Variants in COL25A1 observed in about 807,000 individuals in gnomAD.
COL25A1 encodes the protein collagen type XXV alpha 1 chain.
A neutral mutation model predicts 128.4 loss-of-function variants in COL25A1; 103 were observed. That is an observed-to-expected ratio of 0.80 (90% CI 0.68 to 0.94). The LOEUF (loss-of-function observed/expected upper bound fraction) is 0.94. Among genes scored for constraint, COL25A1 ranks in the 40% least tolerant of loss-of-function variants. The pLI, the probability that COL25A1 is intolerant of heterozygous loss-of-function variation, is 0.00. For missense variants in COL25A1, 745 were observed against 840.0 expected (o/e 0.89, Z 1.40); for synonymous variants, 279 against 277.2 (o/e 1.01, Z -0.06).
chr4:109,224,833 G>A (rs948469888), intron 3 of COL25A1, among the ~76,000 whole-genome samples: 20 of 152,232 alleles, frequency 1.3e-4, no homozygotes, highest in African/African-American at 4.6e-4. Flanking sequence ...CCAGCTACTC[G>A]GGAGGCTGAG....
intron 24 of COL25A1, among the ~76,000 whole-genome samples, chr4:108,856,191 A>G (rs1736484117): frequency 2.0e-5 from 3 of 152,160 alleles, no homozygotes; most frequent in Non-Finnish European, 4.4e-5. Flanking sequence ...CATACTAGAG[A>G]ACAGGTTTAG....
At chr4:108,958,295 G>A (rs1305005004) in intron 8 of COL25A1, among the ~76,000 whole-genome samples, 1 of 151,754 alleles carries the variant, frequency 6.6e-6, no homozygotes, top group Non-Finnish European at 1.5e-5. Context: ...TATTTATAAG[G>A]GAAAATGTTC....
chr4:108,869,142 T>C lies in COL25A1; in HGVS notation c.1029A>G (p.Pro343=), dbSNP rs767530107. ...GTTCTCCTTGAGGACCAATGAAACC[T>C]GGTTCTCCCTTTAAAAACATGGGCA... ...LPGLPGIKGE[P]GFIGPQGEPG... Residue 343 remains proline, a synonymous_variant, in exon 20 of 38, where the codon CCA becomes CCG. Coordinates refer to ENST00000399132, the MANE Select transcript of COL25A1 (RefSeq NM_198721.4). 1 of 1,535,504 alleles carries C rather than the reference T, an allele frequency of 6.5e-7. No individual in the cohort carries two copies. Among genetic ancestry groups the C allele is most frequent in the East Asian group, 2.4e-5 (1 of 41,192 alleles).
At chr4:108,981,550 A>C (rs528097253) in intron 6 of COL25A1, among the ~76,000 whole-genome samples, 51 of 152,342 alleles carry the variant, frequency 3.3e-4, no homozygotes, top group Non-Finnish European at 5.7e-4. Context: ...AAAGTTAAAA[A>C]AAAGTGAAAG....
intron 3 of COL25A1, among the ~76,000 whole-genome samples, chr4:109,255,508 G>A (rs1428728780): frequency 2.0e-5 from 3 of 152,106 alleles, no homozygotes; most frequent in Non-Finnish European, 4.4e-5. Flanking sequence ...GTGAATATCT[G>A]CAGTTGGACA....
intron 3 of COL25A1, among the ~76,000 whole-genome samples, chr4:109,124,240 C>T (rs1033905927): frequency 2.6e-5 from 4 of 151,868 alleles, no homozygotes; most frequent in African/African-American, 9.7e-5. Context: ...TTCAGCTTTC[C>T]TCTCCCATGT....
intron 27 of COL25A1, among the ~76,000 whole-genome samples, chr4:108,848,375 TA>T (rs1228159309): frequency 2.0e-5 from 3 of 152,098 alleles, no homozygotes. Context: ...AAACATTGTC[TA>T]AAAAAGGCAT....
chr4:108,957,265 G>A (rs1750179829), intron 8 of COL25A1, among the ~76,000 whole-genome samples: 1 of 152,090 alleles, frequency 6.6e-6, no homozygotes, highest in African/African-American at 2.4e-5. Context: ...GAAGAAGATG[G>A]GCTTGGAGCA....
chr4:109,082,095 A>G (rs1489508751), intron 3 of COL25A1, among the ~76,000 whole-genome samples: 1 of 152,218 alleles, frequency 6.6e-6, no homozygotes, highest in Non-Finnish European at 1.5e-5. Flanking sequence ...TATGACTAGC[A>G]TAACGTTTCA....
At chr4:109,068,912 T>G (rs1329446743) in intron 3 of COL25A1, among the ~76,000 whole-genome samples, 1 of 152,014 alleles carries the variant, frequency 6.6e-6, no homozygotes, top group Non-Finnish European at 1.5e-5. Context: ...AAGAAATATG[T>G]CACATATTTA....
At chr4:109,241,102 T>C (rs1170926900) in intron 3 of COL25A1, among the ~76,000 whole-genome samples, 6 of 152,056 alleles carry the variant, frequency 3.9e-5, no homozygotes, top group Non-Finnish European at 4.4e-5. Context: ...AGCCTATCAG[T>C]AGAAGAACAC....
At chr4:109,117,875 T>G (rs1182311057) in intron 3 of COL25A1, among the ~76,000 whole-genome samples, 1 of 151,760 alleles carries the variant, frequency 6.6e-6, no homozygotes, top group East Asian at 1.9e-4. Context: ...TATTGCAAAC[T>G]CTGGAGCAAC....
intron 35 of COL25A1, 62 bp from the exon 36 acceptor site, chr4:108,819,391 G>T: frequency 7.4e-7 from 1 of 1,343,698 alleles, no homozygotes; most frequent in Non-Finnish European, 1.0e-6. Flanking sequence ...CACAAATTCT[G>T]CGAAAGAAGT....
intron 3 of COL25A1, among the ~76,000 whole-genome samples, chr4:109,063,915 G>A (rs1438735523): frequency 6.6e-6 from 1 of 152,176 alleles, no homozygotes; most frequent in Non-Finnish European, 1.5e-5. Context: ...GACTAACCTG[G>A]CAGGAATTAG....
chr4:109,173,072 T>C (rs761990554), intron 3 of COL25A1, among the ~76,000 whole-genome samples: 1 of 152,132 alleles, frequency 6.6e-6, no homozygotes, highest in South Asian at 2.1e-4. Context: ...ATAGAAACCA[T>C]ACTTTAAGGT....
intron 3 of COL25A1, among the ~76,000 whole-genome samples, chr4:109,093,460 A>AAAAAAAAAC (rs1311775775): frequency 3.5e-5 from 5 of 141,350 alleles, no homozygotes; most frequent in African/African-American, 1.5e-4. Context: ...TCTCTATGAA[A>AAAAAAAAAC]AAAAAAAAAA....
chr4:108,982,957 T>A (rs1382883319), intron 6 of COL25A1, among the ~76,000 whole-genome samples: 1 of 152,060 alleles, frequency 6.6e-6, no homozygotes, highest in Non-Finnish European at 1.5e-5. Flanking sequence ...AAACCAAACA[T>A]TAAAAAAGGA....
chr4:108,910,096 A>G (rs915382978), intron 13 of COL25A1, among the ~76,000 whole-genome samples: 5 of 152,178 alleles, frequency 3.3e-5, no homozygotes, highest in Admixed American at 3.3e-4. Context: ...TTAAGTTTCC[A>G]TGACTTGTAA....
chr4:109,044,087 TAGTG>T (rs1194137772), intron 5 of COL25A1, among the ~76,000 whole-genome samples: 1 of 121,778 alleles, frequency 8.2e-6, no homozygotes, highest in Admixed American at 8.5e-5. Context: ...ACTCCTCTGA[TAGTG>T]TGTGTGTGTG....
Sources: gnomAD v4.1 joint callset for allele counts (sites outside exome capture counted in the v4.1 genomes callset) on GRCh38, gnomAD v4.1.1 for gene constraint, MANE v1.5 for transcripts, NCBI Gene and HGNC (gene_info 2026-07-23, HGNC 2026-07-21) for gene names.